Variants in VPS41 observed in about 807,000 individuals in gnomAD.
VPS41 encodes the protein VPS41 subunit of HOPS complex, also known as vacuolar protein sorting-associated protein 41 homolog.
In VPS41, 85 loss-of-function variants were observed where a neutral mutation model predicts 130.9. The ratio of observed to expected loss-of-function variants is 0.65; its 90% confidence interval spans 0.55 to 0.78. The LOEUF is 0.78. Among genes scored for constraint, VPS41 ranks in the 30% least tolerant of loss-of-function variants. The pLI is 0.00. For missense variants in VPS41, 874 were observed against 1,018.7 expected (o/e 0.86, Z 1.93); for synonymous variants, 335 against 332.9 (o/e 1.01, Z -0.07).
At chr7:38,822,903 A>C (rs999400633) in intron 5 of VPS41, among the ~76,000 whole-genome samples, 4 of 152,192 alleles carry the variant, frequency 2.6e-5, no homozygotes, top group Non-Finnish European at 5.9e-5. Flanking sequence ...AAATGCTTGG[A>C]GCTAACAAAT....
intron 22 of VPS41, among the ~76,000 whole-genome samples, chr7:38,747,251 A>G (rs1042455095): frequency 3.3e-5 from 5 of 152,214 alleles, no homozygotes; most frequent in Non-Finnish European, 5.9e-5. Context: ...ATAAAGCAAA[A>G]TAGTGCAAAT....
At chr7:38,728,268 C>T in intron 27 of VPS41, 1 of 598,738 alleles carries the variant, frequency 1.7e-6, no homozygotes, top group South Asian at 2.0e-5. Context: ...AAGTTTGGAA[C>T]CAGAGACTCT....
chr7:38,819,131 T>C (rs546260145), intron 6 of VPS41, among the ~76,000 whole-genome samples: 4 of 152,368 alleles, frequency 2.6e-5, no homozygotes, highest in Non-Finnish European at 5.9e-5. Flanking sequence ...AAACACATTA[T>C]GTTACCCTTT....
At chr7:38,727,209 T>TACAGAGG in intron 27 of VPS41, 2 of 348,554 alleles carry the variant, frequency 5.7e-6, no homozygotes, top group South Asian at 1.4e-4. Context: ...TTGCTTAGCC[T>TACAGAGG]CTGTGTCACT....
At chr7:38,865,488 G>A (rs1457296987) in intron 3 of VPS41, among the ~76,000 whole-genome samples, 1 of 151,698 alleles carries the variant, frequency 6.6e-6, no homozygotes, top group African/African-American at 2.4e-5. Flanking sequence ...TGACTTAAAA[G>A]GGTTATGGTA....
chr7:38,756,721 G>C, intron 19 of VPS41, 117 bp downstream of exon 19: 1 of 749,092 alleles, frequency 1.3e-6, no homozygotes, highest in South Asian at 2.1e-5. Flanking sequence ...AAAGATTGTC[G>C]GCATAAAGCC....
intron 4 of VPS41, among the ~76,000 whole-genome samples, chr7:38,839,032 C>T (rs1166997561): frequency 1.3e-5 from 2 of 152,138 alleles, no homozygotes; most frequent in Non-Finnish European, 2.9e-5. Flanking sequence ...ATGCTGCATC[C>T]CCACGGACCC....
chr7:38,853,601 C>A (rs1785914291), intron 4 of VPS41, among the ~76,000 whole-genome samples: 1 of 152,132 alleles, frequency 6.6e-6, no homozygotes, highest in Admixed American at 6.5e-5. Flanking sequence ...TTTTAAAGCT[C>A]TTACTTTGCA....
At chr7:38,888,955 G>T (rs541587711) in intron 2 of VPS41, among the ~76,000 whole-genome samples, 1 of 151,950 alleles carries the variant, frequency 6.6e-6, no homozygotes, top group East Asian at 1.9e-4. Flanking sequence ...TGGGGCCTGT[G>T]GGGGGTGGGG....
intron 8 of VPS41, 72 bp downstream of exon 8, chr7:38,796,673 T>C: frequency 6.2e-7 from 1 of 1,607,860 alleles, no homozygotes; most frequent in East Asian, 2.2e-5. Flanking sequence ...TTTCCCTTCA[T>C]TACAGCCCTA....
At chr7:38,887,767 G>A (rs1027370324) in intron 2 of VPS41, among the ~76,000 whole-genome samples, 2 of 152,086 alleles carry the variant, frequency 1.3e-5, no homozygotes, top group Non-Finnish European at 2.9e-5. Context: ...AAATGTTAAG[G>A]GCAGCCAGAG....
At chr7:38,868,338 G>C (rs1465268963) in intron 3 of VPS41, among the ~76,000 whole-genome samples, 10 of 152,212 alleles carry the variant, frequency 6.6e-5, no homozygotes, top group Admixed American at 6.5e-4. Flanking sequence ...AGTGTTGGGG[G>C]TACAGGACTC....
intron 7 of VPS41, among the ~76,000 whole-genome samples, chr7:38,813,141 G>A (rs753112902): frequency 4.6e-5 from 7 of 152,000 alleles, no homozygotes; most frequent in Non-Finnish European, 7.4e-5. Flanking sequence ...AGCGACAAAC[G>A]GATGAATAAA....
intron 19 of VPS41, among the ~76,000 whole-genome samples, chr7:38,755,418 A>G (rs963328627): frequency 6.6e-6 from 1 of 152,174 alleles, no homozygotes; most frequent in African/African-American, 2.4e-5. Flanking sequence ...TCAGAAAGAG[A>G]ATGAGATACC....
intron 21 of VPS41, among the ~76,000 whole-genome samples, chr7:38,754,385 TCATTATAGTTAAA>T (rs1783746918): frequency 6.6e-6 from 1 of 152,122 alleles, no homozygotes; most frequent in Non-Finnish European, 1.5e-5. Flanking sequence ...ACAAAAACAT[TCATTATAGTTAAA>T]TATATAGTTA....
intron 14 of VPS41, among the ~76,000 whole-genome samples, chr7:38,770,197 A>G (rs537510827): frequency 6.6e-6 from 1 of 151,108 alleles, no homozygotes; most frequent in African/African-American, 2.4e-5. Context: ...TGAACCCAGG[A>G]GGCAGAGGTT....
intron 7 of VPS41, among the ~76,000 whole-genome samples, chr7:38,799,741 T>G (rs1367992597): frequency 6.6e-6 from 1 of 152,120 alleles, no homozygotes; most frequent in African/African-American, 2.4e-5. Context: ...ATAACAGGAA[T>G]TTTTAAAAAA....
chr7:38,803,233 G>T (rs935358375), intron 7 of VPS41, among the ~76,000 whole-genome samples: 3 of 152,116 alleles, frequency 2.0e-5, no homozygotes. Context: ...GTCACCTAAC[G>T]CCCATCATTA....
intron 7 of VPS41, among the ~76,000 whole-genome samples, chr7:38,799,298 A>G (rs553316203): frequency 6.6e-6 from 1 of 152,376 alleles, no homozygotes; most frequent in Non-Finnish European, 1.5e-5. Context: ...CAACAAAATT[A>G]AGAAATTAAT....
Sources: gnomAD v4.1 joint callset for allele counts (sites outside exome capture counted in the v4.1 genomes callset) on GRCh38, gnomAD v4.1.1 for gene constraint, MANE v1.5 for transcripts, NCBI Gene and HGNC (gene_info 2026-07-23, HGNC 2026-07-21) for gene names.